Variants in ITPR1 observed in about 807,000 individuals in gnomAD.
ITPR1 encodes inositol 1,4,5-trisphosphate-gated calcium channel ITPR1.
Under a neutral mutation model 318.4 loss-of-function variants are expected in ITPR1, and 96 were observed. That is an observed-to-expected ratio of 0.30 (90% CI 0.26 to 0.36). The LOEUF (loss-of-function observed/expected upper bound fraction) is 0.36. ITPR1 is among the 10% of genes least tolerant of loss of function. The pLI is 1.00. For missense variants in ITPR1, 2,440 were observed against 3,460.2 expected, an observed-to-expected ratio of 0.71 and a Z score of 7.40; for synonymous variants, 1,312 against 1,289.9, an observed-to-expected ratio of 1.02 and a Z score of -0.37.
At chr3:4,503,660 C>T (rs2081194418) in intron 2 of ITPR1, among the ~76,000 whole-genome samples, 10 of 152,012 alleles carry the variant, frequency 6.6e-5, no homozygotes, top group Non-Finnish European at 1.5e-5. Flanking sequence ...TCCTATGGTG[C>T]ACAGGATAGC....
At chr3:4,530,377 A>G (rs2083313587) in intron 4 of ITPR1, among the ~76,000 whole-genome samples, 1 of 152,198 alleles carries the variant, frequency 6.6e-6, no homozygotes, top group Non-Finnish European at 1.5e-5. Flanking sequence ...TCCCAGTTCT[A>G]GCAGTGTTTT....
intron 18 of ITPR1, among the ~76,000 whole-genome samples, chr3:4,669,171 G>A (rs2094017906): frequency 6.6e-6 from 1 of 152,180 alleles, no homozygotes; most frequent in Non-Finnish European, 1.5e-5. Flanking sequence ...TAATCCGCAG[G>A]ACAGCCCTCA....
At chr3:4,588,105 C>T (rs35154162) in intron 4 of ITPR1, among the ~76,000 whole-genome samples, 97,512 of 152,066 alleles carry the variant, frequency 0.64, 32,845 homozygotes, top group Non-Finnish European at 0.76. Context: ...TTAGCTGTCC[C>T]CTTAAGCACC....
chr3:4,553,789 C>T (rs7624224), intron 4 of ITPR1, among the ~76,000 whole-genome samples: 4 of 150,808 alleles, frequency 2.7e-5, no homozygotes, highest in Admixed American at 6.6e-5. Context: ...TTAGTAGAGA[C>T]GGGATTTCAC....
intron 4 of ITPR1, among the ~76,000 whole-genome samples, chr3:4,527,057 G>A (rs1269743008): frequency 1.3e-5 from 2 of 152,176 alleles, no homozygotes; most frequent in Non-Finnish European, 2.9e-5. Flanking sequence ...TGAGACCAGA[G>A]CGCATCTATT....
chr3:4,800,649 G>T, intron 54 of ITPR1, 49 bp downstream of exon 54: 1 of 1,570,088 alleles, frequency 6.4e-7, no homozygotes, highest in Non-Finnish European at 8.8e-7. Flanking sequence ...AGATTAATAG[G>T]AATGCCTTGC....
At chr3:4,537,785 T>C (rs2084018707) in intron 4 of ITPR1, among the ~76,000 whole-genome samples, 1 of 152,234 alleles carries the variant, frequency 6.6e-6, no homozygotes, top group South Asian at 2.1e-4. Context: ...ATTTTAGACT[T>C]CTTACCTCCA....
At chr3:4,650,645 G>GTGTGTGCA (rs1491220486) in intron 10 of ITPR1, among the ~76,000 whole-genome samples, 5,053 of 51,656 alleles carry the variant, frequency 0.098, 169 homozygotes, top group Non-Finnish European at 0.17. Flanking sequence ...GTGTGTGTGT[G>GTGTGTGCA]CGCGCGTCTG....
chr3:4,503,530 C>T (rs2081183248), intron 2 of ITPR1, among the ~76,000 whole-genome samples: 1 of 152,162 alleles, frequency 6.6e-6, no homozygotes, highest in Non-Finnish European at 1.5e-5. Flanking sequence ...GCAGTGGTCT[C>T]AATGGGGACA....
intron 59 of ITPR1, 95 bp from the exon 60 acceptor site, chr3:4,817,987 C>A: frequency 9.9e-7 from 1 of 1,015,002 alleles, no homozygotes. Context: ...AGGAGTGAAA[C>A]CACAGCCCCC....
At chr3:4,729,059 A>G (rs772370386) in intron 42 of ITPR1, among the ~76,000 whole-genome samples, 1 of 152,152 alleles carries the variant, frequency 6.6e-6, no homozygotes, top group Non-Finnish European at 1.5e-5. Flanking sequence ...CCTAGGTCCT[A>G]GGAGTAGCTG....
chr3:4,616,416 C>A (rs2092390522), intron 4 of ITPR1, among the ~76,000 whole-genome samples: 1 of 152,142 alleles, frequency 6.6e-6, no homozygotes, highest in Non-Finnish European at 1.5e-5. Flanking sequence ...ATTAATACTC[C>A]CTCTTCCCTG....
intron 4 of ITPR1, among the ~76,000 whole-genome samples, chr3:4,625,938 C>G (rs1209715787): frequency 6.6e-6 from 1 of 152,118 alleles, no homozygotes; most frequent in African/African-American, 2.4e-5. Context: ...TGGGGAGTGT[C>G]AATTTTAAAT....
At chr3:4,631,880 G>A (rs930505551) in intron 5 of ITPR1, among the ~76,000 whole-genome samples, 1 of 152,136 alleles carries the variant, frequency 6.6e-6, no homozygotes, top group African/African-American at 2.4e-5. Flanking sequence ...TTGACAACCT[G>A]AGCTCAAACG....
chr3:4,521,136 T>G (rs766512125), intron 4 of ITPR1, 42 bp downstream of exon 4: 2 of 1,342,276 alleles, frequency 1.5e-6, no homozygotes, highest in South Asian at 2.4e-5. Flanking sequence ...TTGACTCACT[T>G]GAAAATTCTT....
intron 54 of ITPR1, among the ~76,000 whole-genome samples, chr3:4,805,719 C>A (rs1369865635): frequency 6.6e-6 from 1 of 152,186 alleles, no homozygotes; most frequent in Non-Finnish European, 1.5e-5. Flanking sequence ...TTTGATCATG[C>A]TGATCACAGG....
At chr3:4,730,223 AAAAAAAAC>A (rs1305494292) in intron 42 of ITPR1, among the ~76,000 whole-genome samples, 5 of 146,998 alleles carry the variant, frequency 3.4e-5, no homozygotes, top group Non-Finnish European at 7.5e-5. Flanking sequence ...CTTTAAAAAA[AAAAAAAAC>A]AAAAAAAAAC....
intron 4 of ITPR1, among the ~76,000 whole-genome samples, chr3:4,609,051 A>AAAATATATATATATATATAT: frequency 2.1e-5 from 1 of 46,542 alleles, no homozygotes; most frequent in Non-Finnish European, 4.6e-5. Flanking sequence ...ACAACAACGA[A>AAAATATATATATATATATAT]ATATATATAT....
chr3:4,707,003 C>T (rs1469314877), intron 37 of ITPR1, among the ~76,000 whole-genome samples: 5 of 152,168 alleles, frequency 3.3e-5, no homozygotes, highest in Non-Finnish European at 4.4e-5. Flanking sequence ...AGCCCACAAG[C>T]AGTGTTTAAG....
Sources: allele counts gnomAD v4.1 joint callset (sites outside exome capture counted in the v4.1 genomes callset), GRCh38; gene constraint gnomAD v4.1.1; transcripts MANE v1.5; gene names NCBI Gene and HGNC (gene_info 2026-07-23, HGNC 2026-07-21).